The following CCDC39 variants were observed in gnomAD, a reference collection of about 807,000 sequenced individuals.
CCDC39 encodes the protein coiled-coil domain 39 molecular ruler complex subunit.
CCDC39 carries 113 observed loss-of-function variants against 121.0 expected under a neutral mutation model. That is an observed-to-expected ratio of 0.93 (90% CI 0.80 to 1.09). CCDC39 has a LOEUF of 1.09. Ranked by LOEUF, CCDC39 falls within the 50% of genes least tolerant of loss-of-function variation. CCDC39 has a pLI of 0.00. For missense variants in CCDC39, 1,063 were observed against 1,074.7 expected, an observed-to-expected ratio of 0.99 and a Z score of 0.15; for synonymous variants, 349 against 352.2, an observed-to-expected ratio of 0.99 and a Z score of 0.10.
chr3:180,666,388 CTA>C (rs1711878097), intron 1 of CCDC39, among the ~76,000 whole-genome samples: 1 of 151,998 alleles, frequency 6.6e-6, no homozygotes, highest in Non-Finnish European at 1.5e-5. Context: ...ACAGGTGTCT[CTA>C]TGTTTTTACT....
At position 180,628,596 on chromosome 3, in the gene CCDC39, TTGTC is replaced by T. The variant is rs1717620609; in HGVS notation, c.1998+2869_1998+2872del. Among the ~76,000 whole-genome samples the T allele has an allele frequency of 2.0e-5, 3 of 152,358 alleles. No homozygotes were observed. The South Asian group carries it at 6.2e-4, about 32-fold the overall frequency. ...AACTAATAAAAAGGGTCAACAAGCT[TTGTC>T]TGTAAAGGGCCAAATAGTAATTAGA... On this transcript the variant is annotated intron_variant, in intron 14 of 19. Coordinates refer to ENST00000476379, the MANE Select transcript of CCDC39 (RefSeq NM_181426.2).
chr3:180,652,091 C>T, intron 8 of CCDC39, 72 bp downstream of exon 8: 1 of 841,680 alleles, frequency 1.2e-6, no homozygotes, highest in Non-Finnish European at 1.8e-6. Context: ...AACAAATAGT[C>T]TTAAGTATTT....
intron 4 of CCDC39, 111 bp from the exon 5 acceptor site, chr3:180,659,880 A>T: frequency 1.7e-6 from 1 of 597,530 alleles, no homozygotes; most frequent in Non-Finnish European, 2.6e-6. Flanking sequence ...TTTATTTTAT[A>T]TCTAAAACTG....
chr3:180,633,391 A>G (rs970594711), intron 13 of CCDC39, among the ~76,000 whole-genome samples: 2 of 152,232 alleles, frequency 1.3e-5, no homozygotes, highest in Non-Finnish European at 2.9e-5. Flanking sequence ...TCTAAAAGAG[A>G]AGAGGATATT....
chr3:180,623,563 T>C lies in CCDC39; in HGVS notation c.1999-3593A>G, dbSNP rs542852969. On this transcript the variant is annotated intron_variant, in intron 14 of 19. Transcript: ENST00000476379. Reference sequence around the variant, plus strand: ...AGTGTTAGGTTGTTAATTGATGATCTTTCTACATTTTTGATATAGGCATTT... The same window carrying C: ...AGTGTTAGGTTGTTAATTGATGATCCTTCTACATTTTTGATATAGGCATTT... Among the ~76,000 whole-genome samples the C allele has an allele frequency of 5.3e-5, 8 of 152,266 alleles. No homozygotes were observed. The East Asian group carries it at 1.2e-3, about 22-fold the overall frequency.
At position 180,642,031 on chromosome 3, in the gene CCDC39, T is replaced by G; in HGVS notation, c.1836A>C (p.Ser612=). 1 of 1,604,164 alleles carries G rather than the reference T, an allele frequency of 6.2e-7. No homozygotes were observed. Among genetic ancestry groups the G allele is most frequent in the East Asian group, 2.2e-5 (1 of 44,598 alleles). The part of the protein sequence containing the change: ...EIKVHKTMLA[S]QIRYVDQERE... ...GTTCTTGATCAACATATCTTATTTG[T>G]GACGCAAGCATTGTTTTATGAACCT... The change falls in exon 13 of 20, where the codon TCA becomes TCC. Residue 612 remains serine (S), a synonymous_variant. Coordinates refer to ENST00000476379, the MANE Select transcript of CCDC39 (RefSeq NM_181426.2).
intron 14 of CCDC39, among the ~76,000 whole-genome samples, chr3:180,626,282 G>A (rs1331104409): frequency 6.6e-6 from 1 of 152,138 alleles, no homozygotes; most frequent in African/African-American, 2.4e-5. Flanking sequence ...TGGGCCCCTG[G>A]ATGGCATACT....
At chr3:180,616,786 A>C (rs756922621) in intron 17 of CCDC39, 40 bp downstream of exon 17, 1 of 1,595,612 alleles carries the variant, frequency 6.3e-7, no homozygotes, top group Non-Finnish European at 8.6e-7. Flanking sequence ...GACTTCAAAA[A>C]TGTAAATATG....
At chr3:180,644,787 G>A (rs1430805507) in intron 11 of CCDC39, among the ~76,000 whole-genome samples, 1 of 152,134 alleles carries the variant, frequency 6.6e-6, no homozygotes, top group African/African-American at 2.4e-5. Context: ...TTTCAATACA[G>A]ATGCAATCAC....
chr3:180,624,525 C>T (rs1244381688), intron 14 of CCDC39, among the ~76,000 whole-genome samples: 2 of 151,716 alleles, frequency 1.3e-5, no homozygotes, highest in South Asian at 4.2e-4. Flanking sequence ...TGGTAGAATT[C>T]TGTTATGTTG....
chr3:180,617,709 T>G, intron 16 of CCDC39: 1 of 389,010 alleles, frequency 2.6e-6, no homozygotes, highest in African/African-American at 2.1e-5. Flanking sequence ...TTAAGCTAAA[T>G]GTCATCACAA....
intron 13 of CCDC39, among the ~76,000 whole-genome samples, chr3:180,634,088 G>C (rs910556407): frequency 4.6e-5 from 7 of 152,080 alleles, no homozygotes. Context: ...CTCTTCTCCT[G>C]ACTCCCTTAA....
intron 1 of CCDC39, among the ~76,000 whole-genome samples, chr3:180,674,669 T>C (rs1455108764): frequency 3.9e-5 from 6 of 152,344 alleles, no homozygotes; most frequent in Admixed American, 2.0e-4. Flanking sequence ...ACCTAATTTA[T>C]TGAGAATTTT....
intron 1 of CCDC39, among the ~76,000 whole-genome samples, chr3:180,675,791 A>T (rs1372113607): frequency 6.6e-6 from 1 of 152,140 alleles, no homozygotes; most frequent in African/African-American, 2.4e-5. Flanking sequence ...TGGTACCAAA[A>T]CAGAGATATA....
At chr3:180,646,294 T>G (rs1001265810) in intron 11 of CCDC39, among the ~76,000 whole-genome samples, 1 of 151,594 alleles carries the variant, frequency 6.6e-6, no homozygotes, top group African/African-American at 2.4e-5. Flanking sequence ...AAAAAAAAAG[T>G]AATAACTCTC....
At chr3:180,625,321 T>G (rs1218562984) in intron 14 of CCDC39, among the ~76,000 whole-genome samples, 2 of 151,938 alleles carry the variant, frequency 1.3e-5, no homozygotes, top group East Asian at 3.9e-4. Flanking sequence ...TTATTGACTC[T>G]TTCTTTTGCT....
chr3:180,621,056 G>A (rs1241930572), intron 14 of CCDC39, among the ~76,000 whole-genome samples: 2 of 152,020 alleles, frequency 1.3e-5, no homozygotes, highest in Non-Finnish European at 2.9e-5. Context: ...CTTAAGATAA[G>A]GGCCTCCAGT....
chr3:180,659,969 C>G (rs1054357018), intron 4 of CCDC39, among the ~76,000 whole-genome samples, 200 bp from the exon 5 acceptor site: 8 of 151,916 alleles, frequency 5.3e-5, no homozygotes, highest in African/African-American at 1.9e-4. Context: ...CATAAAAACT[C>G]AATTGTTTCT....
intron 11 of CCDC39, among the ~76,000 whole-genome samples, chr3:180,644,907 G>A (rs950469468): frequency 2.6e-5 from 4 of 152,106 alleles, no homozygotes; most frequent in Admixed American, 2.6e-4. Flanking sequence ...GGAGATGGGA[G>A]CATACACCAG....
Sources: allele counts gnomAD v4.1 joint callset (sites outside exome capture counted in the v4.1 genomes callset), GRCh38; gene constraint gnomAD v4.1.1; transcripts MANE v1.5; gene names NCBI Gene and HGNC (gene_info 2026-07-23, HGNC 2026-07-21).